The following ATAD5 variants were observed in gnomAD, a reference collection of about 807,000 sequenced individuals.
The protein encoded by ATAD5 is ATPase family AAA domain-containing protein 5.
Under a neutral mutation model 176.9 loss-of-function variants are expected in ATAD5, and 58 were observed. That is an observed-to-expected ratio of 0.33 (90% CI 0.27 to 0.41). ATAD5 has a LOEUF of 0.41. Ranked by LOEUF, ATAD5 falls within the 10% of genes least tolerant of loss-of-function variation. The probability of loss-of-function intolerance (pLI) is 1.00; values close to 1 mark genes in which losing one functional copy is unlikely to be tolerated. For synonymous variants in ATAD5, 640 were observed against 712.6 expected (o/e 0.90, Z 1.62); for missense variants, 1,789 against 2,094.1 (o/e 0.85, Z 2.84).
chr17:30,879,198 C>T (rs1638877700), intron 17 of ATAD5, among the ~76,000 whole-genome samples: 1 of 152,062 alleles, frequency 6.6e-6, no homozygotes. Flanking sequence ...ATTATCTGGG[C>T]ATGGCAGCTT....
chr17:30,844,684 G>C, intron 5 of ATAD5, 151 bp from the exon 6 acceptor site: 1 of 573,474 alleles, frequency 1.7e-6, no homozygotes, highest in Non-Finnish European at 2.9e-6. Flanking sequence ...GGAGGTGGAG[G>C]TTGCAGTGAG....
rs1905800077 is a variant in ATAD5 at position 30,837,213 on chromosome 17, T to A, written c.1975T>A (p.Phe659Ile). 2 of 1,501,496 alleles carry A rather than the reference T, an allele frequency of 1.3e-6. No homozygotes were observed. Among genetic ancestry groups the A allele is most frequent in the South Asian group, 2.5e-5 (2 of 79,978 alleles). The allele number at this position is 1,501,496 out of a possible 1,614,324, so 93.0% of individuals were successfully genotyped here. Residue 659 changes from phenylalanine to isoleucine, a missense_variant, in exon 3 of 23, where the codon TTC (phenylalanine) becomes ATC (isoleucine). Transcript: ENST00000321990. ...FDSESPIRMK[F>I]TRISTPKKSK... ...ACCTTATTTTTATTTCAGAATGAAA[T>A]TCACCAGAATTAGTACTCCCAAAAA...
rs151329755 is a variant in ATAD5, at chr17:30,845,120, CAG to C, written c.2450+206_2450+207del. Among the ~76,000 whole-genome samples the C allele has an allele frequency of 2.8e-3, 421 of 152,150 alleles. 1 individual carries two copies. Among genetic ancestry groups the C allele is most frequent in the African/African-American group, 9.8e-3 (408 of 41,500 alleles). ...GTGCTTTGGCCATCGCTAGACAAAA[CAG>C]AAAAATAAGCAAACCAAAAATACAA... is the stretch of plus-strand genomic sequence containing the variant. On this transcript the variant is annotated intron_variant, in intron 6 of 22. Transcript: ENST00000321990.
intron 15 of ATAD5, 66 bp downstream of exon 15, chr17:30,876,616 A>C: frequency 3.1e-6 from 3 of 977,890 alleles, no homozygotes; most frequent in East Asian, 3.1e-5. Flanking sequence ...TAAAAATGTG[A>C]GCACATTTTA....
At chr17:30,866,545 T>C (rs1907994503) in intron 11 of ATAD5, among the ~76,000 whole-genome samples, 1 of 148,756 alleles carries the variant, frequency 6.7e-6, no homozygotes, top group Non-Finnish European at 1.5e-5. Context: ...CCCAGTGCAG[T>C]GGCTCACACC....
intron 6 of ATAD5, among the ~76,000 whole-genome samples, chr17:30,851,338 T>C (rs1179789648): frequency 1.3e-5 from 2 of 150,026 alleles, no homozygotes; most frequent in Non-Finnish European, 3.0e-5. Context: ...CTACTAAAAA[T>C]ACAAAAAATT....
intron 10 of ATAD5, among the ~76,000 whole-genome samples, chr17:30,860,947 G>A (rs950307823): frequency 2.7e-5 from 4 of 150,656 alleles, no homozygotes; most frequent in Non-Finnish European, 5.9e-5. Context: ...TTGCACGGTC[G>A]CCCGGGCTGG....
At chr17:30,891,535 C>G (rs1352517792) in intron 19 of ATAD5, among the ~76,000 whole-genome samples, 1 of 151,682 alleles carries the variant, frequency 6.6e-6, no homozygotes, top group East Asian at 1.9e-4. Context: ...CTATGCCCAG[C>G]TAATTTTTTA....
intron 18 of ATAD5, among the ~76,000 whole-genome samples, 190 bp from the exon 19 acceptor site, chr17:30,887,002 T>C (rs1909359112): frequency 6.6e-6 from 1 of 152,200 alleles, no homozygotes. Context: ...ATAAAAGAAA[T>C]ACATGTAAAT....
At chr17:30,845,798 A>G (rs1906460887) in intron 6 of ATAD5, among the ~76,000 whole-genome samples, 1 of 152,132 alleles carries the variant, frequency 6.6e-6, no homozygotes, top group African/African-American at 2.4e-5. Context: ...GGAGGTAAGG[A>G]CTAGGTTGTT....
intron 19 of ATAD5, among the ~76,000 whole-genome samples, chr17:30,889,679 A>C (rs1485872325): frequency 6.6e-6 from 1 of 151,864 alleles, no homozygotes; most frequent in East Asian, 1.9e-4. Flanking sequence ...TACATGGTTA[A>C]GACATGGTTC....
chr17:30,856,481 C>G lies in ATAD5; in HGVS notation c.2636-474C>G, dbSNP rs1375198168. Among the ~76,000 whole-genome samples the G allele has an allele frequency of 2.0e-5, 3 of 152,152 alleles. No homozygotes were observed. The East Asian group carries it at 5.8e-4, about 29-fold the overall frequency. On this transcript the variant is annotated intron_variant, in intron 7 of 22. Coordinates refer to ENST00000321990, the MANE Select transcript of ATAD5 (RefSeq NM_024857.5). The stretch of plus-strand genomic sequence containing the variant: ...GTTTGTTTGTTTTGACAGAGTCTTG[C>G]TTTGTTGCCCAGGCTGGAGTGCAGT...
Position 30,844,142 on chromosome 17 carries a change from T to G in ATAD5, c.2368+103T>G, listed in dbSNP as rs183415436. 4,679 of 1,078,442 alleles carry G rather than the reference T, an allele frequency of 4.3e-3. 14 individuals are homozygous for G. Among genetic ancestry groups the G allele is most frequent in the Non-Finnish European group, 5.0e-3 (4,051 of 812,806 alleles). The allele number at this position is 1,078,442 out of a possible 1,614,324, so 66.8% of individuals were successfully genotyped here. ...GGGTATTTATTTATTTATTTATTTA[T>G]TTTTGAGACGGAGTCTCGCTTTGTC... is the stretch of plus-strand genomic sequence containing the variant. On this transcript the variant is annotated intron_variant, in intron 5 of 22. Coordinates refer to ENST00000321990, the MANE Select transcript of ATAD5 (RefSeq NM_024857.5).
chr17:30,866,804 G>A (rs777469559), intron 11 of ATAD5, among the ~76,000 whole-genome samples: 1 of 152,070 alleles, frequency 6.6e-6, no homozygotes, highest in Non-Finnish European at 1.5e-5. Context: ...AACAGAGTAA[G>A]ACTCTGTCCC....
At chr17:30,846,140 C>G (rs1906483917) in intron 6 of ATAD5, among the ~76,000 whole-genome samples, 1 of 152,098 alleles carries the variant, frequency 6.6e-6, no homozygotes, top group Admixed American at 6.6e-5. Flanking sequence ...TTATCCCCAC[C>G]ACCACCATCA....
intron 5 of ATAD5, among the ~76,000 whole-genome samples, chr17:30,844,551 C>A (rs58973279): frequency 7.2e-6 from 1 of 139,536 alleles, no homozygotes; most frequent in African/African-American, 2.6e-5. Flanking sequence ...AAGAGTTTTT[C>A]TTTTTTTTTT....
chr17:30,880,687 A>G (rs1421389696), intron 18 of ATAD5, among the ~76,000 whole-genome samples: 1 of 151,710 alleles, frequency 6.6e-6, no homozygotes, highest in Non-Finnish European at 1.5e-5. Flanking sequence ...AAGTTTTAGG[A>G]AACTTCTGAT....
rs200064158 is a variant in ATAD5 at position 30,874,607 on chromosome 17, CTATTTATTTATT to C, written c.3608-1737_3608-1726del. Among the ~76,000 whole-genome samples, 114 of 133,242 alleles carry C rather than the reference CTATTTATTTATT, an allele frequency of 8.6e-4. 1 individual carries two copies. The highest frequency in any genetic ancestry group is 2.4e-3 in the African/African-American group (82 of 34,778). 87.4% of individuals were successfully genotyped at this position (133,242 alleles called of 152,430 possible). Reference sequence around the variant, plus strand: ...TTTTTATAAATTGATATCTGTTCAACTATTTATTTATTTATTTATTTATTTATTTATTTATTT... The same window carrying C: ...TTTTTATAAATTGATATCTGTTCAACTATTTATTTATTTATTTATTTATTT... On this transcript the variant is annotated intron_variant, in intron 14 of 22. Transcript: ENST00000321990.
chr17:30,871,918 G>C (rs1019158635), intron 14 of ATAD5, among the ~76,000 whole-genome samples: 1 of 151,900 alleles, frequency 6.6e-6, no homozygotes, highest in Admixed American at 6.6e-5. Context: ...TTTATCTTCA[G>C]GTCTTGTGTA....
Sources: gnomAD v4.1 joint callset for allele counts (sites outside exome capture counted in the v4.1 genomes callset) on GRCh38, gnomAD v4.1.1 for gene constraint, MANE v1.5 for transcripts, NCBI Gene and HGNC (gene_info 2026-07-23, HGNC 2026-07-21) for gene names.